CTNND2: variants seen among roughly 807,000 people sequenced by gnomAD.
The protein encoded by CTNND2 is catenin delta-2.
Under a neutral mutation model 144.4 loss-of-function variants are expected in CTNND2, and 22 were observed. The ratio of observed to expected loss-of-function variants is 0.15; its 90% CI spans 0.11 to 0.22. The LOEUF (loss-of-function observed/expected upper bound fraction) is 0.22. CTNND2 is among the 10% of genes least tolerant of loss of function. The pLI, the probability that CTNND2 is intolerant of heterozygous loss-of-function variation, is 1.00. For synonymous variants in CTNND2, 751 were observed against 695.6 expected (o/e 1.08, Z -1.25); for missense variants, 1,353 against 1,618.8 (o/e 0.84, Z 2.82).
chr5:11,511,993 C>T (rs534796183), intron 3 of CTNND2, among the ~76,000 whole-genome samples: 1 of 152,280 alleles, frequency 6.6e-6, no homozygotes, highest in African/African-American at 2.4e-5. Context: ...TTCTGAATTC[C>T]ATTCTCATGC....
In CTNND2 at chr5:11,110,852, C is replaced by A. The variant is rs535858659; in HGVS notation, c.2463+6G>T. On this transcript the variant is annotated splice_donor_region_variant and intron_variant, in intron 14 of 21. Coordinates refer to ENST00000304623, the MANE Select transcript of CTNND2 (RefSeq NM_001332.4). ...ATTGCATGCAGCTGCAAGCAGCCTGCATCACCTGATCTTGGGATTTCTTTT... is the reference window on the plus strand; with the variant it reads ...ATTGCATGCAGCTGCAAGCAGCCTGAATCACCTGATCTTGGGATTTCTTTT... The A allele has an allele frequency of 6.2e-7, 1 of 1,610,304 alleles. No individual in the cohort carries two copies. Among genetic ancestry groups the A allele is most frequent in the Non-Finnish European group, 8.5e-7 (1 of 1,179,286 alleles).
At chr5:11,512,690 A>T (rs1771764845) in intron 3 of CTNND2, among the ~76,000 whole-genome samples, 1 of 152,246 alleles carries the variant, frequency 6.6e-6, no homozygotes, top group Admixed American at 6.5e-5. Context: ...CAACAGTATT[A>T]GCATGGTAAG....
chr5:11,512,207 A>G (rs548817179), intron 3 of CTNND2, among the ~76,000 whole-genome samples: 18 of 152,254 alleles, frequency 1.2e-4, no homozygotes, highest in Non-Finnish European at 2.2e-4. Context: ...AAAATTCCTA[A>G]TATTTTTGAA....
At chr5:11,501,780 G>A (rs538397626) in intron 3 of CTNND2, among the ~76,000 whole-genome samples, 9 of 152,004 alleles carry the variant, frequency 5.9e-5, no homozygotes, top group South Asian at 2.1e-4. Context: ...AGGCCGAGAC[G>A]GGCAGATCAC....
At chr5:11,465,635 T>C (rs1050201863) in intron 3 of CTNND2, among the ~76,000 whole-genome samples, 1 of 152,168 alleles carries the variant, frequency 6.6e-6, no homozygotes, top group African/African-American at 2.4e-5. Flanking sequence ...GAAAAACTCA[T>C]AGCTATAATT....
chr5:11,598,908 C>T (rs899511805), intron 2 of CTNND2, among the ~76,000 whole-genome samples: 3 of 152,160 alleles, frequency 2.0e-5, no homozygotes, highest in African/African-American at 7.2e-5. Context: ...GATTAATGGA[C>T]TCACAGATAT....
chr5:11,331,849 T>C (rs575919156), intron 9 of CTNND2, among the ~76,000 whole-genome samples: 1 of 152,342 alleles, frequency 6.6e-6, no homozygotes, highest in African/African-American at 2.4e-5. Context: ...TCTGGTGTTC[T>C]ATTGCACACT....
At chr5:11,641,775 T>TATGTACATACATACACGTGTACATACAC (rs1350974003) in intron 2 of CTNND2, among the ~76,000 whole-genome samples, 1 of 146,618 alleles carries the variant, frequency 6.8e-6, no homozygotes, top group African/African-American at 2.5e-5. Flanking sequence ...TACGTATATG[T>TATGTACATACATACACGTGTACATACAC]ATGTACATAC....
intron 2 of CTNND2, among the ~76,000 whole-genome samples, chr5:11,628,042 G>T (rs558017308): frequency 5.3e-5 from 8 of 151,930 alleles, no homozygotes; most frequent in Non-Finnish European, 1.0e-4. Flanking sequence ...TACCTAACAG[G>T]CCATGGAGTA....
chr5:11,022,218 G>A (rs148133825), intron 17 of CTNND2, among the ~76,000 whole-genome samples: 1 of 152,232 alleles, frequency 6.6e-6, no homozygotes, highest in East Asian at 1.9e-4. Context: ...TATTGTGACA[G>A]CCTCTCCCTT....
intron 3 of CTNND2, among the ~76,000 whole-genome samples, chr5:11,509,303 A>T (rs1210824699): frequency 1.3e-5 from 2 of 152,212 alleles, no homozygotes; most frequent in African/African-American, 4.8e-5. Flanking sequence ...GACTTATAAA[A>T]GGTGCCTATA....
intron 16 of CTNND2, among the ~76,000 whole-genome samples, chr5:11,061,726 T>TA (rs1747004307): frequency 6.6e-6 from 1 of 152,044 alleles, no homozygotes; most frequent in South Asian, 2.1e-4. Flanking sequence ...CTTTTTTTTT[T>TA]AGACAAAGTT....
In CTNND2 at chr5:11,323,834, G is replaced by A. The variant is rs527573311; in HGVS notation, c.1628+22538C>T. ...CATAAAGCTGAGCAGGTGAGCAATAGGTAATTAAGCAGATGCCATCAGAAA... is the reference window on the plus strand; with the variant it reads ...CATAAAGCTGAGCAGGTGAGCAATAAGTAATTAAGCAGATGCCATCAGAAA... On this transcript the variant is annotated intron_variant, in intron 9 of 21. Coordinates refer to ENST00000304623, the MANE Select transcript of CTNND2 (RefSeq NM_001332.4). 2.0e-5 allele frequency among the ~76,000 whole-genome samples: 3 copies of A among 152,250 alleles called. No individual in the cohort carries two copies. The East Asian group carries it at 5.8e-4, about 29-fold the overall frequency.
intron 7 of CTNND2, among the ~76,000 whole-genome samples, chr5:11,373,348 A>G (rs1369903888): frequency 6.6e-6 from 1 of 152,118 alleles, no homozygotes; most frequent in Non-Finnish European, 1.5e-5. Context: ...AGTAGCTGGG[A>G]CTACAGGGGA....
chr5:11,578,042 A>G (rs997227728), intron 2 of CTNND2, among the ~76,000 whole-genome samples: 5 of 152,094 alleles, frequency 3.3e-5, no homozygotes, highest in Non-Finnish European at 5.9e-5. Flanking sequence ...TCTTACACCC[A>G]AAAAAATAGT....
chr5:11,149,004 C>T (rs997087919), intron 12 of CTNND2, among the ~76,000 whole-genome samples: 1 of 152,186 alleles, frequency 6.6e-6, no homozygotes, highest in Non-Finnish European at 1.5e-5. Flanking sequence ...GAGGAGAAAT[C>T]AGTAAAGTTC....
At chr5:11,256,346 C>T (rs1229449452) in intron 9 of CTNND2, among the ~76,000 whole-genome samples, 1 of 152,090 alleles carries the variant, frequency 6.6e-6, no homozygotes, top group Non-Finnish European at 1.5e-5. Flanking sequence ...TGAAAATTTC[C>T]CCAGCCTCTC....
intron 14 of CTNND2, among the ~76,000 whole-genome samples, chr5:11,109,763 T>C (rs556646574): frequency 2.0e-5 from 3 of 152,336 alleles, no homozygotes; most frequent in African/African-American, 7.2e-5. Flanking sequence ...ACAAATGTAA[T>C]TTTCATTGTA....
At chr5:11,752,704 G>A (rs1788696339) in intron 1 of CTNND2, among the ~76,000 whole-genome samples, 1 of 151,558 alleles carries the variant, frequency 6.6e-6, no homozygotes, top group Non-Finnish European at 1.5e-5. Context: ...TATACAATAG[G>A]TATTTCTATT....
Sources: allele counts gnomAD v4.1 joint callset (sites outside exome capture counted in the v4.1 genomes callset), GRCh38; gene constraint gnomAD v4.1.1; transcripts MANE v1.5; gene names NCBI Gene and HGNC (gene_info 2026-07-23, HGNC 2026-07-21).